The following CACNG3 variants were observed in gnomAD, a reference collection of about 807,000 sequenced individuals.
CACNG3 encodes voltage-dependent calcium channel gamma-3 subunit.
In CACNG3, 3 loss-of-function variants were observed where a neutral mutation model predicts 28.5. That is an observed-to-expected ratio of 0.11 (90% confidence interval 0.05 to 0.27). The LOEUF (loss-of-function observed/expected upper bound fraction) is 0.27, where lower values mean the gene tolerates loss of function less well. Ranked by LOEUF, CACNG3 falls within the 10% of genes least tolerant of loss-of-function variation. The probability of loss-of-function intolerance (pLI) is 1.00; values close to 1 mark genes in which losing one functional copy is unlikely to be tolerated. For synonymous variants in CACNG3, 174 were observed against 162.2 expected (o/e 1.07, Z -0.55); for missense variants, 236 against 414.4 (o/e 0.57, Z 3.74).
intron 1 of CACNG3, among the ~76,000 whole-genome samples, chr16:24,277,674 G>C (rs1483443902): frequency 1.3e-5 from 2 of 151,876 alleles, no homozygotes; most frequent in Non-Finnish European, 2.9e-5. Flanking sequence ...ACTCTACTCA[G>C]GAGGCTGAGG....
chr16:24,356,211 T>G (rs1391078587), intron 3 of CACNG3, among the ~76,000 whole-genome samples: 1 of 152,192 alleles, frequency 6.6e-6, no homozygotes, highest in Admixed American at 6.5e-5. Flanking sequence ...TGGACTCTGG[T>G]GATGACTTTC....
At chr16:24,338,807 C>T (rs971277806) in intron 1 of CACNG3, among the ~76,000 whole-genome samples, 8 of 152,230 alleles carry the variant, frequency 5.3e-5, no homozygotes, top group African/African-American at 1.4e-4. Flanking sequence ...TTACCTTCCC[C>T]GGTTCCCATC....
chr16:24,302,171 T>G (rs1322376588), intron 1 of CACNG3, among the ~76,000 whole-genome samples: 1 of 152,220 alleles, frequency 6.6e-6, no homozygotes. Context: ...CTTCCTCTCT[T>G]GTCTGCCTCC....
chr16:24,315,955 G>A (rs929510739), intron 1 of CACNG3, among the ~76,000 whole-genome samples: 4 of 152,090 alleles, frequency 2.6e-5, no homozygotes, highest in African/African-American at 4.8e-5. Flanking sequence ...CACTGTGCCC[G>A]GCCCATCATC....
intron 1 of CACNG3, among the ~76,000 whole-genome samples, chr16:24,283,031 G>A (rs776985885): frequency 1.3e-5 from 2 of 151,846 alleles, no homozygotes; most frequent in Non-Finnish European, 2.9e-5. Flanking sequence ...ACCATTCCCG[G>A]GTAATTTTTT....
In CACNG3 at chr16:24,362,206, G is replaced by A. The variant is rs572464415; in HGVS notation, c.*343G>A. ...CAGGTGGTGGCCAGGGGGGATTTCC[G>A]AATCTCCATCAGGCGCGCTCATAGT... On this transcript the variant is annotated 3_prime_UTR_variant, in exon 4 of 4. Coordinates refer to ENST00000005284, the MANE Select transcript of CACNG3 (RefSeq NM_006539.4). The A allele has an allele frequency of 1.5e-5, 3 of 202,304 alleles. No individual in the cohort carries two copies. Among genetic ancestry groups the A allele is most frequent in the East Asian group, 1.1e-4 (1 of 8,840 alleles). 12.5% of individuals were successfully genotyped at this position (202,304 alleles called of 1,614,324 possible).
intron 1 of CACNG3, among the ~76,000 whole-genome samples, chr16:24,320,165 C>T (rs895021441): frequency 2.0e-5 from 3 of 152,144 alleles, no homozygotes; most frequent in Non-Finnish European, 4.4e-5. Flanking sequence ...CTGGGGAATG[C>T]GTGATCTGCT....
At chr16:24,319,084 G>A (rs1056998537) in intron 1 of CACNG3, among the ~76,000 whole-genome samples, 5 of 152,094 alleles carry the variant, frequency 3.3e-5, no homozygotes, top group Non-Finnish European at 7.4e-5. Context: ...TTTACAGTTG[G>A]GTTATAAAGT....
intron 1 of CACNG3, among the ~76,000 whole-genome samples, chr16:24,265,507 AAG>A (rs1360629828): frequency 6.6e-6 from 1 of 151,776 alleles, no homozygotes; most frequent in Non-Finnish European, 1.5e-5. Context: ...AAAGAAAAGA[AAG>A]AAAGAAAGAA....
rs78354255 is a variant in CACNG3 at position 24,261,057 on chromosome 16, T to C, written c.211+4092T>C. 3.5e-4 allele frequency among the ~76,000 whole-genome samples: 54 copies of C among 152,342 alleles called. No homozygotes were observed. In the East Asian group the frequency reaches 8.9e-3, roughly 25 times the overall value. On this transcript the variant is annotated intron_variant, in intron 1 of 3. Coordinates refer to ENST00000005284, the MANE Select transcript of CACNG3 (RefSeq NM_006539.4). ...CATCCCATTTCCATAACAACAGTTA[T>C]GTGAATGGTGAATGTTATTTTCCCT...
At chr16:24,339,499 C>T (rs1899754950) in intron 1 of CACNG3, among the ~76,000 whole-genome samples, 1 of 151,994 alleles carries the variant, frequency 6.6e-6, no homozygotes, top group South Asian at 2.1e-4. Flanking sequence ...GATTCTCCTG[C>T]TTCGGCACCC....
intron 1 of CACNG3, among the ~76,000 whole-genome samples, chr16:24,305,150 T>C: frequency 6.6e-6 from 1 of 152,078 alleles, no homozygotes; most frequent in Non-Finnish European, 1.5e-5. Context: ...CAGCCGTGTG[T>C]GACAAATGTG....
intron 1 of CACNG3, among the ~76,000 whole-genome samples, chr16:24,312,955 G>GAAAGAAAGAAAGAGAAAGAA (rs376780380): frequency 5.4e-5 from 6 of 110,806 alleles, no homozygotes; most frequent in Admixed American, 9.6e-5. Context: ...AAGAAAGAAA[G>GAAAGAAAGAAAGAGAAAGAA]AGAAAGAAAG....
intron 1 of CACNG3, among the ~76,000 whole-genome samples, chr16:24,319,596 A>T (rs1229536600): frequency 1.2e-5 from 1 of 80,856 alleles, no homozygotes; most frequent in African/African-American, 4.3e-5. Flanking sequence ...CCTGGCTTTT[A>T]TTTATTTATT....
chr16:24,274,818 G>T (rs749733660), intron 1 of CACNG3, among the ~76,000 whole-genome samples: 1 of 152,154 alleles, frequency 6.6e-6, no homozygotes, highest in Non-Finnish European at 1.5e-5. Flanking sequence ...CAAGAGCCTC[G>T]TGGGACGTTA....
At chr16:24,358,584 G>A (rs924331544) in intron 3 of CACNG3, among the ~76,000 whole-genome samples, 8 of 152,158 alleles carry the variant, frequency 5.3e-5, no homozygotes, top group African/African-American at 1.9e-4. Context: ...CAGACTCTGG[G>A]CTGGGAGTTA....
chr16:24,317,663 A>AGG, intron 1 of CACNG3, among the ~76,000 whole-genome samples: 1 of 95,526 alleles, frequency 1.0e-5, no homozygotes, highest in African/African-American at 4.8e-5. Context: ...AAAGAAAGAA[A>AGG]GAAAGAAAGA....
At position 24,358,642 on chromosome 16, in the gene CACNG3, T is replaced by A. The variant is rs192913744; in HGVS notation, c.437-2710T>A. ...AAGCCTAGTCCCTGCCCTCAGGGAG[T>A]TTACAGTCTGAAAGTAGGAAAAAGC... On this transcript the variant is annotated intron_variant, in intron 3 of 3. Coordinates refer to ENST00000005284, the MANE Select transcript of CACNG3 (RefSeq NM_006539.4). Among the ~76,000 whole-genome samples, 40 of 152,144 alleles carry A rather than the reference T, an allele frequency of 2.6e-4. No individual in the cohort carries two copies. In the East Asian group the frequency reaches 6.9e-3, roughly 26 times the overall value.
intron 1 of CACNG3, among the ~76,000 whole-genome samples, chr16:24,319,577 T>C (rs1187630169): frequency 6.6e-6 from 1 of 151,454 alleles, no homozygotes; most frequent in African/African-American, 2.4e-5. Context: ...ACAATAGGCA[T>C]GTGCCATGCC....
Sources: gnomAD v4.1 joint callset for allele counts (sites outside exome capture counted in the v4.1 genomes callset) on GRCh38, gnomAD v4.1.1 for gene constraint, MANE v1.5 for transcripts, NCBI Gene and HGNC (gene_info 2026-07-23, HGNC 2026-07-21) for gene names.